The following CDH22 variants were observed in gnomAD, a reference collection of about 807,000 sequenced individuals.
The protein encoded by CDH22 is cadherin 22.
Under a neutral mutation model 58.4 loss-of-function variants are expected in CDH22, and 30 were observed. The ratio of observed to expected loss-of-function variants is 0.51; its 90% CI spans 0.38 to 0.70. CDH22 has a LOEUF of 0.70. Among genes scored for constraint, CDH22 ranks in the 30% least tolerant of loss-of-function variants. CDH22 has a pLI of 0.00. For missense variants in CDH22, 1,014 were observed against 1,233.9 expected (o/e 0.82, Z 2.67); for synonymous variants, 513 against 558.2 (o/e 0.92, Z 1.14).
At position 46,183,010 on chromosome 20, in the gene CDH22, GC is replaced by G. The variant is rs1049136486; in HGVS notation, c.1663+3577del. Among the ~76,000 whole-genome samples, 530 of 149,168 alleles carry G rather than the reference GC, an allele frequency of 3.6e-3. 7 individuals are homozygous for G. Among genetic ancestry groups the G allele is most frequent in the African/African-American group, 0.012 (503 of 40,782 alleles). ...TGGCACTCTGGATGGCAGCTCTGGT[GC>G]CCCCCCCTCTCCCCCAGCTAAACAA... On this transcript the variant is annotated intron_variant, in intron 10 of 11. Coordinates refer to ENST00000537909, the MANE Select transcript of CDH22 (RefSeq NM_021248.3).
intron 3 of CDH22, among the ~76,000 whole-genome samples, chr20:46,237,634 T>C (rs2086262564): frequency 6.6e-6 from 1 of 152,112 alleles, no homozygotes; most frequent in Non-Finnish European, 1.5e-5. Context: ...TGGTTCAAAT[T>C]GAGTCCCCCC....
chr20:46,264,767 C>G (rs540302326), intron 1 of CDH22, among the ~76,000 whole-genome samples: 29 of 152,236 alleles, frequency 1.9e-4, no homozygotes, highest in Admixed American at 1.4e-3. Context: ...GCCTGAGTCC[C>G]TCCTTAAGGC....
At chr20:46,177,503 T>A (rs192963907) in intron 11 of CDH22, among the ~76,000 whole-genome samples, 92 of 152,164 alleles carry the variant, frequency 6.0e-4, no homozygotes, top group African/African-American at 2.2e-3. Context: ...AGACCTAATA[T>A]CAAATCCAAA....
At chr20:46,211,835 C>T (rs866035445) in intron 6 of CDH22, among the ~76,000 whole-genome samples, 2 of 151,920 alleles carry the variant, frequency 1.3e-5, no homozygotes, top group South Asian at 4.2e-4. Flanking sequence ...CCCCTGAGCC[C>T]GTATCCCTAC....
At chr20:46,195,258 GC>G (rs2085890523) in intron 8 of CDH22, among the ~76,000 whole-genome samples, 1 of 152,210 alleles carries the variant, frequency 6.6e-6, no homozygotes, top group African/African-American at 2.4e-5. Flanking sequence ...AAACACACAT[GC>G]CTACTGTGTG....
chr20:46,307,301 GA>G (rs1345138565), intron 1 of CDH22, among the ~76,000 whole-genome samples: 1 of 152,226 alleles, frequency 6.6e-6, no homozygotes, highest in Non-Finnish European at 1.5e-5. Flanking sequence ...CCCCGCCTGG[GA>G]CAGGGCCCGA....
chr20:46,185,207 C>A (rs2085816791), intron 10 of CDH22, among the ~76,000 whole-genome samples: 1 of 151,946 alleles, frequency 6.6e-6, no homozygotes, highest in Admixed American at 6.6e-5. Context: ...CAGGAGCTTG[C>A]CAGGGTGGTA....
intron 3 of CDH22, among the ~76,000 whole-genome samples, chr20:46,233,817 G>C (rs965478358): frequency 6.6e-6 from 1 of 152,238 alleles, no homozygotes; most frequent in Non-Finnish European, 1.5e-5. Context: ...CCCCCAGCAC[G>C]GGTGGTGAGA....
At chr20:46,211,480 G>A (rs1362030323) in intron 6 of CDH22, among the ~76,000 whole-genome samples, 2 of 152,218 alleles carry the variant, frequency 1.3e-5, no homozygotes, top group African/African-American at 4.8e-5. Context: ...CGGTGGCCTG[G>A]CCTAGGAGTG....
chr20:46,242,610 C>T (rs2086299792), intron 2 of CDH22, among the ~76,000 whole-genome samples: 1 of 152,198 alleles, frequency 6.6e-6, no homozygotes, highest in African/African-American at 2.4e-5. Context: ...GCAGCAGGAT[C>T]CCTGCTGGGC....
At chr20:46,185,601 C>T (rs1465348911) in intron 10 of CDH22, among the ~76,000 whole-genome samples, 3 of 152,090 alleles carry the variant, frequency 2.0e-5, no homozygotes, top group Non-Finnish European at 4.4e-5. Context: ...GGCGTGGTGT[C>T]TCATGCCTAT....
intron 4 of CDH22, among the ~76,000 whole-genome samples, chr20:46,224,117 T>G: frequency 6.6e-6 from 1 of 152,118 alleles, no homozygotes; most frequent in East Asian, 1.9e-4. Flanking sequence ...CCTCCCAAAG[T>G]GTTGGGATTA....
chr20:46,190,797 C>T (rs1041198314), intron 8 of CDH22, among the ~76,000 whole-genome samples: 9 of 151,942 alleles, frequency 5.9e-5, no homozygotes, highest in East Asian at 1.9e-4. Context: ...ACCATTAATC[C>T]GGGGGGGTGG....
At chr20:46,272,218 T>C (rs2086494314) in intron 1 of CDH22, among the ~76,000 whole-genome samples, 1 of 152,260 alleles carries the variant, frequency 6.6e-6, no homozygotes, top group South Asian at 2.1e-4. Context: ...TCTTAGGTTT[T>C]TGGTTTAACA....
At chr20:46,250,890 T>A (rs2086367100) in intron 2 of CDH22, 150 bp downstream of exon 2, 2 of 553,852 alleles carry the variant, frequency 3.6e-6, no homozygotes, top group East Asian at 6.8e-5. Flanking sequence ...GGAATGGGGC[T>A]CTGGGCCCCC....
chr20:46,258,518 T>C (rs2086417222), intron 1 of CDH22, among the ~76,000 whole-genome samples: 1 of 152,206 alleles, frequency 6.6e-6, no homozygotes, highest in Non-Finnish European at 1.5e-5. Flanking sequence ...ACCATTTGCC[T>C]GGGACCCCTG....
At chr20:46,186,759 G>A (rs925322048) in intron 9 of CDH22, 54 bp from the exon 10 acceptor site, 70 of 1,602,538 alleles carry the variant, frequency 4.4e-5, no homozygotes, top group Non-Finnish European at 5.6e-5. Flanking sequence ...ACCACTCTGG[G>A]TCGAGGTAGA....
At chr20:46,281,804 T>C (rs900840169) in intron 1 of CDH22, among the ~76,000 whole-genome samples, 4 of 152,264 alleles carry the variant, frequency 2.6e-5, no homozygotes, top group Middle Eastern at 3.2e-3. Context: ...GGCAGGAATA[T>C]GGACAGGATA....
At chr20:46,263,670 T>C (rs1242090611) in intron 1 of CDH22, among the ~76,000 whole-genome samples, 1 of 151,918 alleles carries the variant, frequency 6.6e-6, no homozygotes, top group Non-Finnish European at 1.5e-5. Context: ...GAGGCACAGG[T>C]GGCAGAATGT....
Sources: gnomAD v4.1 joint callset for allele counts (sites outside exome capture counted in the v4.1 genomes callset) on GRCh38, gnomAD v4.1.1 for gene constraint, MANE v1.5 for transcripts, NCBI Gene and HGNC (gene_info 2026-07-23, HGNC 2026-07-21) for gene names.